The following SLIT3 variants were observed in gnomAD, a reference collection of about 807,000 sequenced individuals.
SLIT3 encodes slit homolog 3 protein.
SLIT3 carries 68 observed loss-of-function variants against 184.0 expected under a neutral mutation model. The observed-to-expected ratio is 0.37, with a 90% confidence interval of 0.30 to 0.45. The LOEUF is 0.45. Among genes scored for constraint, SLIT3 ranks in the 20% least tolerant of loss-of-function variants. The pLI is 1.00. For missense variants in SLIT3, 1,707 were observed against 2,026.0 expected (o/e 0.84, Z 3.02); for synonymous variants, 831 against 828.6 (o/e 1.00, Z -0.05).
intron 4 of SLIT3, among the ~76,000 whole-genome samples, chr5:169,077,193 TCTTC>T (rs1048457914): frequency 3.3e-5 from 5 of 152,200 alleles, no homozygotes; most frequent in Admixed American, 3.3e-4. Context: ...GTATATTTTC[TCTTC>T]CTTGTGTTTT....
intron 4 of SLIT3, among the ~76,000 whole-genome samples, chr5:169,186,556 T>C (rs1420238478): frequency 6.6e-6 from 1 of 152,202 alleles, no homozygotes; most frequent in Admixed American, 6.5e-5. Flanking sequence ...GTGAGGTCAC[T>C]TGCCCAGGGT....
In SLIT3 at chr5:168,839,791, G is replaced by A. The variant is rs150789405; in HGVS notation, c.557+4793C>T. Among the ~76,000 whole-genome samples, 437 of 152,254 alleles carry A rather than the reference G, an allele frequency of 2.9e-3. 3 individuals are homozygous for A. The highest frequency in any genetic ancestry group is 0.01 in the African/African-American group (425 of 41,546). Reference sequence around the variant, plus strand: ...CTTGGGATTCCCAATCTTACCAGGGGCTCCCTTCTGAACAATTGCATATAG... The same window carrying A: ...CTTGGGATTCCCAATCTTACCAGGGACTCCCTTCTGAACAATTGCATATAG... On this transcript the variant is annotated intron_variant, in intron 6 of 35. Transcript: ENST00000519560.
intron 4 of SLIT3, among the ~76,000 whole-genome samples, chr5:169,133,898 C>T (rs1761398236): frequency 6.6e-6 from 1 of 152,248 alleles, no homozygotes; most frequent in Non-Finnish European, 1.5e-5. Context: ...GGCATAATTA[C>T]TGTTCCGATG....
intron 4 of SLIT3, among the ~76,000 whole-genome samples, chr5:169,002,349 A>G (rs868028403): frequency 0.012 from 1,684 of 146,052 alleles, 37 homozygotes; most frequent in African/African-American, 0.04. Flanking sequence ...AAAAAAAAAA[A>G]AAAAAAGAAA....
chr5:169,224,862 T>G (rs991869460), intron 3 of SLIT3, among the ~76,000 whole-genome samples: 1 of 152,008 alleles, frequency 6.6e-6, no homozygotes, highest in South Asian at 2.1e-4. Context: ...AATTTTTGTA[T>G]TTTTAGGCAT....
chr5:169,041,237 T>C (rs1425591029), intron 4 of SLIT3, among the ~76,000 whole-genome samples: 3 of 152,196 alleles, frequency 2.0e-5, no homozygotes, highest in Admixed American at 2.0e-4. Context: ...GCTCAATCAT[T>C]TATTCGACAA....
chr5:168,947,040 C>CCA (rs1054375378), intron 4 of SLIT3, among the ~76,000 whole-genome samples: 1 of 152,084 alleles, frequency 6.6e-6, no homozygotes, highest in African/African-American at 2.4e-5. Flanking sequence ...TTTCTAGTTT[C>CCA]TATATATTGT....
chr5:168,892,413 T>G (rs1356443440), intron 4 of SLIT3, among the ~76,000 whole-genome samples: 1 of 152,208 alleles, frequency 6.6e-6, no homozygotes, highest in Non-Finnish European at 1.5e-5. Context: ...CTTGATGCTG[T>G]AGCTACGCAG....
chr5:168,747,678 C>T (rs1754534943), intron 20 of SLIT3, among the ~76,000 whole-genome samples: 2 of 152,214 alleles, frequency 1.3e-5, no homozygotes, highest in South Asian at 4.2e-4. Context: ...AGGCTAACAC[C>T]TTTTTCGTTG....
chr5:168,870,393 T>TA (rs1288458753), intron 5 of SLIT3, among the ~76,000 whole-genome samples: 4 of 152,206 alleles, frequency 2.6e-5, no homozygotes, highest in Admixed American at 6.5e-5. Flanking sequence ...TCAAAAGCCC[T>TA]AAGCCCCATT....
At chr5:168,721,724 T>C (rs1762946518) in intron 23 of SLIT3, among the ~76,000 whole-genome samples, 2 of 152,228 alleles carry the variant, frequency 1.3e-5, no homozygotes, top group South Asian at 4.1e-4. Context: ...CTTTGTGTTC[T>C]TAAAAAGACA....
intron 4 of SLIT3, among the ~76,000 whole-genome samples, chr5:169,126,745 T>C (rs945020450): frequency 6.6e-6 from 1 of 152,202 alleles, no homozygotes; most frequent in Non-Finnish European, 1.5e-5. Flanking sequence ...CTAATCAGGC[T>C]GGAGAGGCAG....
chr5:168,961,264 G>C (rs1762997536), intron 4 of SLIT3, among the ~76,000 whole-genome samples: 2 of 152,196 alleles, frequency 1.3e-5, no homozygotes, highest in South Asian at 4.1e-4. Context: ...GGAAGAAATA[G>C]CCAGCACATC....
Position 169,100,350 on chromosome 5 carries a change from T to C in SLIT3, c.413+93129A>G, listed in dbSNP as rs147608563. Among the ~76,000 whole-genome samples, 11 of 152,298 alleles carry C rather than the reference T, an allele frequency of 7.2e-5. No homozygotes were observed. In the East Asian group the frequency reaches 1.9e-3, roughly 27 times the overall value. On this transcript the variant is annotated intron_variant, in intron 4 of 35. Transcript: ENST00000519560. ...AAAGTCACATGAAAGATTTGTGAAC[T>C]GGGGTCAAGTCCTTCAAACTAGATG... is the stretch of plus-strand genomic sequence containing the variant.
intron 4 of SLIT3, among the ~76,000 whole-genome samples, chr5:169,092,910 T>C (rs146365527): frequency 1.9e-4 from 29 of 152,336 alleles, no homozygotes; most frequent in African/African-American, 7.0e-4. Context: ...ATAGAACTAT[T>C]ATGCTGACCT....
chr5:168,798,307 T>A (rs1756648010), intron 9 of SLIT3, among the ~76,000 whole-genome samples: 1 of 149,846 alleles, frequency 6.7e-6, no homozygotes, highest in South Asian at 2.2e-4. Context: ...CACTGCAACC[T>A]TGAACGCCTG....
At chr5:168,997,113 G>A (rs1263815522) in intron 4 of SLIT3, among the ~76,000 whole-genome samples, 1 of 152,120 alleles carries the variant, frequency 6.6e-6, no homozygotes, top group East Asian at 1.9e-4. Context: ...TATGCCTGGT[G>A]CACTAGGGGA....
chr5:168,960,532 G>A (rs891123046), intron 4 of SLIT3, among the ~76,000 whole-genome samples: 1 of 152,216 alleles, frequency 6.6e-6, no homozygotes, highest in Non-Finnish European at 1.5e-5. Flanking sequence ...TTAAGTGGCA[G>A]AGCTGGGATT....
chr5:169,032,538 T>C (rs1757067054), intron 4 of SLIT3, among the ~76,000 whole-genome samples: 1 of 151,870 alleles, frequency 6.6e-6, no homozygotes, highest in African/African-American at 2.4e-5. Flanking sequence ...TATGTGTAAA[T>C]AGTAACTTGA....
Sources: gnomAD v4.1 joint callset for allele counts (sites outside exome capture counted in the v4.1 genomes callset) on GRCh38, gnomAD v4.1.1 for gene constraint, MANE v1.5 for transcripts, NCBI Gene and HGNC (gene_info 2026-07-23, HGNC 2026-07-21) for gene names.